The following TRIM69 variants were observed in gnomAD, a reference collection of about 807,000 sequenced individuals.
The protein encoded by TRIM69 is tripartite motif containing 69.
TRIM69 carries 29 observed loss-of-function variants against 37.7 expected under a neutral mutation model. The observed-to-expected ratio is 0.77, with a 90% CI of 0.57 to 1.05. The LOEUF is 1.05. Ranked by LOEUF, TRIM69 falls within the 50% of genes least tolerant of loss-of-function variation. The probability of loss-of-function intolerance (pLI) is 0.00; values close to 1 mark genes in which losing one functional copy is unlikely to be tolerated. For missense variants in TRIM69, 596 were observed against 579.9 expected, an observed-to-expected ratio of 1.03 and a Z score of -0.28; for synonymous variants, 209 against 212.4, an observed-to-expected ratio of 0.98 and a Z score of 0.14.
At chr15:44,750,810 T>C (rs1308309101) in intron 1 of TRIM69, among the ~76,000 whole-genome samples, 2 of 145,324 alleles carry the variant, frequency 1.4e-5, no homozygotes, top group Admixed American at 7.0e-5. Context: ...CTGCAAGCTC[T>C]GCCTCCTGGG....
intron 1 of TRIM69, among the ~76,000 whole-genome samples, chr15:44,746,786 TTAAA>T (rs2087418485): frequency 6.6e-6 from 1 of 151,772 alleles, no homozygotes; most frequent in African/African-American, 2.4e-5. Flanking sequence ...ACATCTTTCT[TTAAA>T]TATATAGAAA....
rs1381604609 is a variant in TRIM69 at position 44,758,806 on chromosome 15, G to A, written c.765G>A (p.Val255=). 2.5e-6 allele frequency: 4 copies of A among 1,614,068 alleles called. No homozygotes were observed. Among genetic ancestry groups the A allele is most frequent in the African/African-American group, 1.3e-5 (1 of 75,040 alleles). The change falls in exon 4 of 7, where the codon GTG becomes GTA. Residue 255 remains valine, a synonymous_variant. Transcript: ENST00000329464. ...EQCLLAKDML[V]SIQAKTEQQN... ...GTCTCTTAGCCAAGGATATGTTGGT[G>A]AGCATTCAGGCAAAGACGGAACAAC...
chr15:44,759,942 T>C (rs1231842782), intron 6 of TRIM69, 70 bp downstream of exon 6: 3 of 1,542,020 alleles, frequency 1.9e-6, no homozygotes, highest in South Asian at 2.4e-5. Flanking sequence ...ACTTCTTCTG[T>C]GGCCCTAATT....
chr15:44,758,469 T>G, intron 3 of TRIM69, 152 bp from the exon 4 acceptor site: 2 of 1,170,582 alleles, frequency 1.7e-6, no homozygotes, highest in Non-Finnish European at 2.3e-6. Flanking sequence ...AAAGGACTCA[T>G]TTTAGTATGA....
At chr15:44,761,685 G>A (rs1052685338) in intron 6 of TRIM69, among the ~76,000 whole-genome samples, 2 of 152,130 alleles carry the variant, frequency 1.3e-5, no homozygotes, top group African/African-American at 4.8e-5. Flanking sequence ...GGCTGATCTT[G>A]AACTCCTGGC....
rs869285725 is a variant in TRIM69 at position 44,738,054 on chromosome 15, CTTTTTTTTTT to C, written c.6+1357_6+1366del. On this transcript the variant is annotated intron_variant, in intron 1 of 6. Coordinates refer to ENST00000329464, the MANE Select transcript of TRIM69 (RefSeq NM_182985.5). ...AGGAAGATACATACTTTCTTTCTTT[CTTTTTTTTTT>C]TTTTTTTTTTTTAGGACAGAGTCTC... 1.3e-4 allele frequency among the ~76,000 whole-genome samples: 3 copies of C among 23,456 alleles called. No individual in the cohort carries two copies. The East Asian group carries it at 0.011, about 85-fold the overall frequency. 15.4% of individuals were successfully genotyped at this position (23,456 alleles called of 152,430 possible).
At chr15:44,756,098 C>T (rs1168975894) in intron 2 of TRIM69, among the ~76,000 whole-genome samples, 7 of 151,972 alleles carry the variant, frequency 4.6e-5, no homozygotes, top group Non-Finnish European at 8.8e-5. Flanking sequence ...CACTATGTTG[C>T]CCAGGCTGGT....
chr15:44,767,202 T>C, intron 6 of TRIM69, 29 bp from the exon 7 acceptor site: 1 of 1,586,744 alleles, frequency 6.3e-7, no homozygotes, highest in Non-Finnish European at 8.6e-7. Flanking sequence ...CTTTCTCCCA[T>C]GCTCTGCTTT....
At chr15:44,754,869 A>T (rs1470844393) in intron 1 of TRIM69, 31 bp from the exon 2 acceptor site, 8 of 1,512,122 alleles carry the variant, frequency 5.3e-6, no homozygotes, top group Non-Finnish European at 7.3e-6. Context: ...AACAAGAAAG[A>T]TAAACTCATT....
intron 6 of TRIM69, among the ~76,000 whole-genome samples, chr15:44,763,703 G>T (rs1180036240): frequency 6.6e-6 from 1 of 152,130 alleles, no homozygotes; most frequent in Admixed American, 6.5e-5. Flanking sequence ...GGTGAATTTT[G>T]TATTTGCTGG....
intron 6 of TRIM69, 42 bp downstream of exon 6, chr15:44,759,914 C>G: frequency 6.3e-7 from 1 of 1,587,572 alleles, no homozygotes; most frequent in Non-Finnish European, 8.6e-7. Context: ...GGCTCCTAAT[C>G]TACGTTTAAT....
rs900870955 is a variant in TRIM69, at chr15:44,760,136, A to C, written c.961+264A>C. ...TTTTGACTGATTTATGAAATGTGGC[A>C]ACAGCCAAAATTTTATCTTGTTTTG... On this transcript the variant is annotated intron_variant, in intron 6 of 6. Transcript: ENST00000329464. 2.0e-5 allele frequency among the ~76,000 whole-genome samples: 3 copies of C among 152,232 alleles called. No homozygotes were observed. In the South Asian group the frequency reaches 6.2e-4, roughly 31 times the overall value.
intron 1 of TRIM69, among the ~76,000 whole-genome samples, chr15:44,744,415 C>G (rs1040626325): frequency 1.3e-5 from 2 of 150,780 alleles, no homozygotes; most frequent in African/African-American, 4.9e-5. Flanking sequence ...ATGTAACTAA[C>G]CTGCACATTG....
At chr15:44,755,437 GCTT>G (rs2087626242) in intron 2 of TRIM69, 61 bp downstream of exon 2, 2 of 1,253,428 alleles carry the variant, frequency 1.6e-6, no homozygotes, top group African/African-American at 3.0e-5. Context: ...ATTTCATAGG[GCTT>G]CTTCTTTCTT....
At chr15:44,739,036 T>C (rs566393711) in intron 1 of TRIM69, among the ~76,000 whole-genome samples, 3 of 152,236 alleles carry the variant, frequency 2.0e-5, no homozygotes, top group African/African-American at 7.2e-5. Context: ...TATTTTCATA[T>C]CATATAACTC....
At chr15:44,758,989 T>C (rs1427066743) in intron 4 of TRIM69, 135 bp downstream of exon 4, 1 of 1,161,774 alleles carries the variant, frequency 8.6e-7, no homozygotes, top group Non-Finnish European at 1.2e-6. Context: ...ATAGTGCTTT[T>C]AAGATTCTCT....
At chr15:44,743,780 T>C (rs1004754067) in intron 1 of TRIM69, among the ~76,000 whole-genome samples, 2 of 152,166 alleles carry the variant, frequency 1.3e-5, no homozygotes, top group African/African-American at 4.8e-5. Context: ...CCAGTTAGAA[T>C]GGCATCATTG....
rs369706564 is a variant in TRIM69, at chr15:44,755,000, C to T, written c.107C>T (p.Thr36Ile). The T allele has an allele frequency of 9.3e-6, 15 of 1,614,028 alleles. No individual in the cohort carries two copies. The African/African-American group carries it at 2.0e-4, about 22-fold the overall frequency. ...LPSKVVIQDITMELHCPLCND... is the reference protein window; with the variant it reads ...LPSKVVIQDIIMELHCPLCND... The stretch of plus-strand genomic sequence containing the variant: ...TCTAAAGTGGTGATACAAGATATTA[C>T]TATGGAGCTACACTGCCCTCTGTGC... The change falls in exon 2 of 7, where the codon ACT becomes ATT. Residue 36 changes from threonine to isoleucine, a missense_variant. Transcript: ENST00000329464.
In TRIM69 at chr15:44,759,889, A is replaced by G; in HGVS notation, c.961+17A>G. On this transcript the variant is annotated intron_variant, in intron 6 of 6. Coordinates refer to ENST00000329464, the MANE Select transcript of TRIM69 (RefSeq NM_182985.5). ...TCTGCCCAGGTATCAGTGGGTAGTAACTATTGGTTCTTGAGGCTCCTAATC... is the reference window on the plus strand; with the variant it reads ...TCTGCCCAGGTATCAGTGGGTAGTAGCTATTGGTTCTTGAGGCTCCTAATC... The G allele has an allele frequency of 1.2e-6, 2 of 1,604,134 alleles. No individual in the cohort carries two copies. Among genetic ancestry groups the G allele is most frequent in the South Asian group, 1.1e-5 (1 of 90,418 alleles).
Sources: gnomAD v4.1 joint callset for allele counts (sites outside exome capture counted in the v4.1 genomes callset) on GRCh38, gnomAD v4.1.1 for gene constraint, MANE v1.5 for transcripts, NCBI Gene and HGNC (gene_info 2026-07-23, HGNC 2026-07-21) for gene names.